The following CLK4 variants were observed in gnomAD, a reference collection of about 807,000 sequenced individuals.
CLK4 encodes the protein dual specificity protein kinase CLK4.
A neutral mutation model predicts 64.4 loss-of-function variants in CLK4; 37 were observed. The ratio of observed to expected loss-of-function variants is 0.57; its 90% CI spans 0.44 to 0.76. The LOEUF is 0.76. Ranked by LOEUF, CLK4 falls within the 30% of genes least tolerant of loss-of-function variation. The probability of loss-of-function intolerance (pLI) is 0.00; values close to 1 mark genes in which losing one functional copy is unlikely to be tolerated. For synonymous variants in CLK4, 175 were observed against 191.6 expected (o/e 0.91, Z 0.72); for missense variants, 457 against 605.1 (o/e 0.76, Z 2.57).
At position 178,613,876 on chromosome 5, in the gene CLK4, T is replaced by A. The variant is rs1226390377; in HGVS notation, c.543-33A>T. On this transcript the variant is annotated intron_variant, in intron 5 of 12. Coordinates refer to ENST00000316308, the MANE Select transcript of CLK4 (RefSeq NM_020666.3). ...ATAAAATTAAGATAAAAATGATAAA[T>A]GTACAAGAGTGAGCTGAAGCCATGT... 4.0e-6 allele frequency: 6 copies of A among 1,497,332 alleles called. No homozygotes were observed. The African/African-American group carries it at 6.9e-5, about 17-fold the overall frequency. The allele number at this position is 1,497,332 out of a possible 1,614,324, so 92.8% of individuals were successfully genotyped here.
chr5:178,619,868 G>A (rs560113051), intron 2 of CLK4: 15 of 1,084,808 alleles, frequency 1.4e-5, no homozygotes, highest in South Asian at 6.5e-5. Context: ...AACAGAGTGC[G>A]AAGCTTCAAG....
At chr5:178,610,602 T>C (rs886385111) in intron 9 of CLK4, among the ~76,000 whole-genome samples, 1 of 152,058 alleles carries the variant, frequency 6.6e-6, no homozygotes, top group Non-Finnish European at 1.5e-5. Flanking sequence ...CTTGGCCACA[T>C]TTGGAACTTT....
intron 1 of CLK4, 102 bp from the exon 2 acceptor site, chr5:178,623,518 G>A: frequency 1.0e-6 from 1 of 997,492 alleles, no homozygotes; most frequent in South Asian, 3.6e-5. Flanking sequence ...CAACACACAG[G>A]GTCTTACAGG....
At chr5:178,611,809 T>C (rs556323963) in intron 9 of CLK4, among the ~76,000 whole-genome samples, 10 of 152,348 alleles carry the variant, frequency 6.6e-5, no homozygotes, top group Non-Finnish European at 1.0e-4. Flanking sequence ...GATCTGAATG[T>C]TTCCCAATGT....
intron 2 of CLK4, among the ~76,000 whole-genome samples, chr5:178,621,006 G>A (rs781241507): frequency 1.3e-5 from 2 of 152,092 alleles, no homozygotes; most frequent in Non-Finnish European, 2.9e-5. Flanking sequence ...GCTTAGAGAT[G>A]GAATTGTCTA....
chr5:178,605,169 T>C (rs1754872534), intron 11 of CLK4, 134 bp downstream of exon 11: 6 of 411,390 alleles, frequency 1.5e-5, no homozygotes, highest in African/African-American at 2.2e-5. Context: ...AGAAGTTACC[T>C]CCAGTACAGA....
intron 11 of CLK4, chr5:178,605,047 T>A (rs2335442): frequency 0.18 from 36,721 of 201,298 alleles, 5,005 homozygotes; most frequent in African/African-American, 0.39. Flanking sequence ...GAAGAATCAC[T>A]TGAACCCAGG....
In CLK4 at chr5:178,623,432, A is replaced by C. The variant is rs1764737028; in HGVS notation, c.1-16T>G. 1.2e-6 allele frequency: 2 copies of C among 1,601,094 alleles called. No homozygotes were observed. Among genetic ancestry groups the C allele is most frequent in the Non-Finnish European group, 1.7e-6 (2 of 1,175,226 alleles). On this transcript the variant is annotated splice_polypyrimidine_tract_variant and intron_variant, in intron 1 of 12. Coordinates refer to ENST00000316308, the MANE Select transcript of CLK4 (RefSeq NM_020666.3). ...AATGCCGCATCTGTTGATAGAAATG[A>C]AAAGGGAATTGTGGAGGTTACAGAT...
At chr5:178,625,333 A>G (rs566710569) in intron 1 of CLK4, among the ~76,000 whole-genome samples, 1 of 151,832 alleles carries the variant, frequency 6.6e-6, no homozygotes, top group South Asian at 2.1e-4. Context: ...ACCTACTGGG[A>G]CAATCACTGG....
chr5:178,616,855 T>C, intron 5 of CLK4, 27 bp downstream of exon 5: 1 of 1,532,052 alleles, frequency 6.5e-7, no homozygotes, highest in Non-Finnish European at 9.0e-7. Context: ...AACATCAGAA[T>C]GTTTGAAAAG....
chr5:178,625,422 CAA>C (rs58734641), intron 1 of CLK4, among the ~76,000 whole-genome samples: 4 of 121,536 alleles, frequency 3.3e-5, no homozygotes, highest in African/African-American at 1.3e-4. Context: ...GACCCTGTCT[CAA>C]AAAAAAAAAA....
chr5:178,617,283 C>G lies in CLK4; in HGVS notation c.475+61G>C. ...AGTTCTTTAGCCCCCCGCTGACAAA[C>G]TATTCTTAAAAAGATTATTCTTTCT... On this transcript the variant is annotated intron_variant, in intron 4 of 12. Coordinates refer to ENST00000316308, the MANE Select transcript of CLK4 (RefSeq NM_020666.3). The surrounding 1 kb of genome is among the most constrained non-coding windows in gnomAD (Gnocchi z 5.2). 7.2e-7 allele frequency: 1 copy of G among 1,383,084 alleles called. No individual in the cohort carries two copies. The highest frequency in any genetic ancestry group is 1.0e-6 in the Non-Finnish European group (1 of 970,918). The allele number at this position is 1,383,084 out of a possible 1,614,324, so 85.7% of individuals were successfully genotyped here. A position where few individuals can be genotyped will look rare whatever the true frequency, so the allele number is the denominator to read the frequency against.
rs1398238861 is a variant in CLK4 at position 178,602,721 on chromosome 5, T to C, written c.*896A>G. On this transcript the variant is annotated 3_prime_UTR_variant, in exon 13 of 13. Transcript: ENST00000316308. Reference sequence around the variant, plus strand: ...AAATTCTGGAAATTTCAGCAGCACTTTCTTCCCAAACTGCTTTCCAATCAA... The same window carrying C: ...AAATTCTGGAAATTTCAGCAGCACTCTCTTCCCAAACTGCTTTCCAATCAA... 3 of 152,242 alleles carry C rather than the reference T, an allele frequency of 2.0e-5. No homozygotes were observed. Among genetic ancestry groups the C allele is most frequent in the Admixed American group, 1.3e-4 (2 of 15,290 alleles). The allele number at this position is 152,242 out of a possible 1,614,324, so 9.4% of individuals were successfully genotyped here. A position where few individuals can be genotyped will look rare whatever the true frequency, so the allele number is the denominator to read the frequency against.
chr5:178,607,607 T>G (rs996550868), intron 10 of CLK4, among the ~76,000 whole-genome samples: 8 of 145,580 alleles, frequency 5.5e-5, no homozygotes, highest in African/African-American at 7.6e-5. Context: ...GCCTCCCAGG[T>G]TCACGCCATT....
chr5:178,612,366 C>T (rs1562128175), intron 9 of CLK4, 50 bp downstream of exon 9: 3 of 1,527,230 alleles, frequency 2.0e-6, no homozygotes, highest in Non-Finnish European at 2.7e-6. Context: ...CTGTAAAGAA[C>T]AAAAATCTCT....
intron 2 of CLK4, 136 bp downstream of exon 2, chr5:178,623,120 G>A: frequency 1.2e-6 from 1 of 839,308 alleles, no homozygotes; most frequent in South Asian, 1.6e-5. Context: ...TCTAAAATAA[G>A]TACTCAAATA....
rs995809427 is a variant in CLK4 at position 178,602,714 on chromosome 5, C to T, written c.*903G>A. On this transcript the variant is annotated 3_prime_UTR_variant, in exon 13 of 13. Transcript: ENST00000316308. Reference sequence around the variant, plus strand: ...ATCAATTAAATTCTGGAAATTTCAGCAGCACTTTCTTCCCAAACTGCTTTC... The same window carrying T: ...ATCAATTAAATTCTGGAAATTTCAGTAGCACTTTCTTCCCAAACTGCTTTC... 1.3e-5 allele frequency: 2 copies of T among 152,248 alleles called. No homozygotes were observed. The highest frequency in any genetic ancestry group is 1.3e-4 in the Admixed American group (2 of 15,290). The allele number at this position is 152,248 out of a possible 1,614,324, so 9.4% of individuals were successfully genotyped here. A position where few individuals can be genotyped will look rare whatever the true frequency, so the allele number is the denominator to read the frequency against.
chr5:178,618,806 T>G, intron 2 of CLK4, 28 bp from the exon 3 acceptor site: 1 of 1,558,166 alleles, frequency 6.4e-7, no homozygotes, highest in Non-Finnish European at 8.8e-7. Context: ...GATTTCAAAT[T>G]ATTCTCTTCA....
intron 2 of CLK4, chr5:178,619,919 G>C (rs1458420276): frequency 1.8e-6 from 1 of 570,662 alleles, no homozygotes; most frequent in Non-Finnish European, 3.0e-6. Context: ...GGGGACACCT[G>C]CCCAGTCAGA....
Sources: gnomAD v4.1 joint callset for allele counts (sites outside exome capture counted in the v4.1 genomes callset) on GRCh38, gnomAD v4.1.1 for gene constraint, Gnocchi (gnomAD v3.1) non-coding constraint, MANE v1.5 for transcripts, NCBI Gene and HGNC (gene_info 2026-07-23, HGNC 2026-07-21) for gene names.